The following WWOX variants were observed in gnomAD, a reference collection of about 807,000 sequenced individuals.
WWOX encodes the protein WW domain containing oxidoreductase.
A neutral mutation model predicts 46.2 loss-of-function variants in WWOX; 69 were observed. That is an observed-to-expected ratio of 1.49 (90% CI 1.23 to 1.82). WWOX has a LOEUF of 1.82. Ranked by LOEUF, WWOX falls within the 40% of genes most tolerant of loss-of-function variation. The pLI, the probability that WWOX is intolerant of heterozygous loss-of-function variation, is 0.00. For synonymous variants in WWOX, 359 were observed against 202.6 expected, an observed-to-expected ratio of 1.77 and a Z score of -6.56; for missense variants, 919 against 542.6, an observed-to-expected ratio of 1.69 and a Z score of -6.89.
chr16:79,130,846 C>T (rs551667688), intron 8 of WWOX, among the ~76,000 whole-genome samples: 18 of 152,246 alleles, frequency 1.2e-4, no homozygotes, highest in African/African-American at 2.9e-4. Context: ...CCGCACAGTG[C>T]GGAGCTACTG....
chr16:79,016,203 T>A (rs965741088), intron 8 of WWOX: 1 of 152,234 alleles, frequency 6.6e-6, no homozygotes, highest in Non-Finnish European at 1.5e-5. Flanking sequence ...TCTGAAGGCT[T>A]CTGTAATACC....
intron 8 of WWOX, among the ~76,000 whole-genome samples, chr16:78,972,228 G>C (rs1597223128): frequency 6.6e-6 from 1 of 152,240 alleles, no homozygotes; most frequent in East Asian, 1.9e-4. Context: ...TTCAGACAAA[G>C]AGCCAAATTT....
chr16:78,217,948 T>G (rs562112414), intron 5 of WWOX, among the ~76,000 whole-genome samples: 1 of 152,164 alleles, frequency 6.6e-6, no homozygotes, highest in Non-Finnish European at 1.5e-5. Flanking sequence ...GTTTCTTCCT[T>G]GTATTTATGC....
intron 5 of WWOX, among the ~76,000 whole-genome samples, chr16:78,336,196 A>G (rs2080884007): frequency 6.6e-6 from 1 of 152,072 alleles, no homozygotes; most frequent in African/African-American, 2.4e-5. Context: ...CCTACAGGCC[A>G]GGCATGGTGG....
At chr16:78,948,382 C>T (rs2045990158) in intron 8 of WWOX, among the ~76,000 whole-genome samples, 4 of 152,206 alleles carry the variant, frequency 2.6e-5, no homozygotes, top group Admixed American at 2.6e-4. Context: ...TCACACCTAA[C>T]AGATCTCAGA....
At chr16:78,310,204 C>T (rs894754673) in intron 5 of WWOX, among the ~76,000 whole-genome samples, 3 of 152,066 alleles carry the variant, frequency 2.0e-5, no homozygotes, top group African/African-American at 7.2e-5. Context: ...TATTGTGTTT[C>T]CTTCTACCCA....
At chr16:78,509,980 G>A (rs1328804815) in intron 8 of WWOX, among the ~76,000 whole-genome samples, 1 of 151,338 alleles carries the variant, frequency 6.6e-6, no homozygotes, top group South Asian at 2.1e-4. Flanking sequence ...CATGCCTGTA[G>A]TCCCAGCTTC....
chr16:78,427,547 C>T (rs375090633), intron 7 of WWOX, among the ~76,000 whole-genome samples: 1 of 152,006 alleles, frequency 6.6e-6, no homozygotes, highest in African/African-American at 2.4e-5. Context: ...CGCACGCACA[C>T]ACACACACAC....
chr16:78,847,593 C>G (rs2052334069), intron 8 of WWOX, among the ~76,000 whole-genome samples: 2 of 152,068 alleles, frequency 1.3e-5, no homozygotes, highest in South Asian at 2.1e-4. Context: ...CTCAGCTTCC[C>G]TAAGTGTTGG....
intron 8 of WWOX, among the ~76,000 whole-genome samples, chr16:79,085,507 A>G (rs2048837925): frequency 6.6e-6 from 1 of 152,122 alleles, no homozygotes; most frequent in East Asian, 1.9e-4. Flanking sequence ...TTGCTCCTTC[A>G]CCACCTAGAA....
chr16:79,101,960 C>G (rs184676348), intron 8 of WWOX, among the ~76,000 whole-genome samples: 1 of 148,856 alleles, frequency 6.7e-6, no homozygotes, highest in Non-Finnish European at 1.5e-5. Context: ...GAAGAGTTAC[C>G]TGAAGTTGAC....
At position 78,454,977 on chromosome 16, in the gene WWOX, C is replaced by T. The variant is rs575704320; in HGVS notation, c.1056+22225C>T. On this transcript the variant is annotated intron_variant, in intron 8 of 8. Transcript: ENST00000566780. Reference sequence around the variant, plus strand: ...TGATAAATGTTCATTGAGTGCCCCACATGTCAGGTACTGACTTAAGGCATA... The same window carrying T: ...TGATAAATGTTCATTGAGTGCCCCATATGTCAGGTACTGACTTAAGGCATA... Among the ~76,000 whole-genome samples the T allele has an allele frequency of 1.4e-4, 21 of 152,334 alleles. No individual in the cohort carries two copies. In the South Asian group the frequency reaches 4.3e-3, roughly 32 times the overall value.
chr16:78,197,533 A>C (rs755116698), intron 5 of WWOX, among the ~76,000 whole-genome samples: 1 of 152,190 alleles, frequency 6.6e-6, no homozygotes, highest in East Asian at 1.9e-4. Context: ...AGTTTAATAA[A>C]CGTTACCATG....
At chr16:78,263,570 C>A (rs374251392) in intron 5 of WWOX, among the ~76,000 whole-genome samples, 6 of 151,986 alleles carry the variant, frequency 3.9e-5, no homozygotes, top group African/African-American at 7.3e-5. Context: ...TGTTACTTAC[C>A]GTGAGGTTAT....
chr16:78,610,697 G>C (rs2045880499), intron 8 of WWOX, among the ~76,000 whole-genome samples: 1 of 152,092 alleles, frequency 6.6e-6, no homozygotes, highest in East Asian at 1.9e-4. Context: ...TTAGGTCTGA[G>C]ATGTGGAAAA....
intron 8 of WWOX, among the ~76,000 whole-genome samples, chr16:78,467,959 A>G (rs2084120400): frequency 6.6e-6 from 1 of 152,010 alleles, no homozygotes; most frequent in Admixed American, 6.5e-5. Flanking sequence ...TGTGTTTCTG[A>G]CATCTGTTGA....
At chr16:78,668,548 G>A (rs1310924468) in intron 8 of WWOX, among the ~76,000 whole-genome samples, 1 of 152,194 alleles carries the variant, frequency 6.6e-6, no homozygotes, top group Non-Finnish European at 1.5e-5. Flanking sequence ...AGAACATTTA[G>A]TGTGGCAAGG....
At chr16:78,326,332 A>G (rs2080613451) in intron 5 of WWOX, among the ~76,000 whole-genome samples, 1 of 152,214 alleles carries the variant, frequency 6.6e-6, no homozygotes, top group African/African-American at 2.4e-5. Flanking sequence ...GCAAGGCTGT[A>G]TATGATATGC....
At chr16:78,688,426 G>C (rs7188949) in intron 8 of WWOX, among the ~76,000 whole-genome samples, 52,173 of 150,152 alleles carry the variant, frequency 0.35, 9,742 homozygotes, top group African/African-American at 0.42. Context: ...GATGCACTAA[G>C]TCTCATTCAC....
Sources: gnomAD v4.1 joint callset for allele counts (sites outside exome capture counted in the v4.1 genomes callset) on GRCh38, gnomAD v4.1.1 for gene constraint, MANE v1.5 for transcripts, NCBI Gene and HGNC (gene_info 2026-07-23, HGNC 2026-07-21) for gene names.